Variants in NEURL1 observed in about 807,000 individuals in gnomAD.
NEURL1 encodes E3 ubiquitin-protein ligase NEURL1.
In NEURL1, 26 loss-of-function variants were observed where a neutral mutation model predicts 41.2. The observed-to-expected ratio is 0.63, with a 90% CI of 0.46 to 0.87. The LOEUF (loss-of-function observed/expected upper bound fraction) is 0.87. Ranked by LOEUF, NEURL1 falls within the 40% of genes least tolerant of loss-of-function variation. The pLI, the probability that NEURL1 is intolerant of heterozygous loss-of-function variation, is 0.00. For synonymous variants in NEURL1, 400 were observed against 402.3 expected, an observed-to-expected ratio of 0.99 and a Z score of 0.07; for missense variants, 761 against 871.1, an observed-to-expected ratio of 0.87 and a Z score of 1.59.
intron 4 of NEURL1, among the ~76,000 whole-genome samples, chr10:103,587,281 A>T (rs2035943031): frequency 6.6e-6 from 1 of 152,246 alleles, no homozygotes; most frequent in Non-Finnish European, 1.5e-5. Flanking sequence ...GCACCATCTA[A>T]TAATAGCTAA....
intron 1 of NEURL1, chr10:103,551,070 C>T (rs2035022939): frequency 6.6e-6 from 1 of 152,108 alleles, no homozygotes; most frequent in Non-Finnish European, 1.5e-5. Flanking sequence ...GCTGAAAGAA[C>T]CTGATTCCTC....
intron 3 of NEURL1, among the ~76,000 whole-genome samples, chr10:103,573,506 G>T (rs1324478049): frequency 6.6e-6 from 1 of 152,172 alleles, no homozygotes; most frequent in Non-Finnish European, 1.5e-5. Context: ...ATTCTGGGGA[G>T]GACAGTTCTT....
At chr10:103,559,950 G>A (rs56965730) in intron 1 of NEURL1, among the ~76,000 whole-genome samples, 31,208 of 150,606 alleles carry the variant, frequency 0.21, 3,322 homozygotes, top group South Asian at 0.32. Context: ...GCACACACAC[G>A]TACATGCACG....
chr10:103,516,455 T>G (rs975379619), intron 1 of NEURL1, among the ~76,000 whole-genome samples: 5 of 151,426 alleles, frequency 3.3e-5, no homozygotes, highest in African/African-American at 1.2e-4. Flanking sequence ...AGAAGAGCCC[T>G]GAGATATCCT....
chr10:103,538,002 C>T (rs916490359), intron 1 of NEURL1, among the ~76,000 whole-genome samples: 1 of 152,170 alleles, frequency 6.6e-6, no homozygotes, highest in South Asian at 2.1e-4. Context: ...GGGAATGATA[C>T]AGTATGGTCT....
chr10:103,574,063 G>A (rs79811112), intron 3 of NEURL1, among the ~76,000 whole-genome samples: 2 of 152,184 alleles, frequency 1.3e-5, no homozygotes, highest in African/African-American at 2.4e-5. Context: ...AGGACGTGGA[G>A]GAATATTTGC....
intron 1 of NEURL1, among the ~76,000 whole-genome samples, chr10:103,498,549 A>G (rs2033745974): frequency 6.6e-6 from 1 of 152,164 alleles, no homozygotes; most frequent in Admixed American, 6.5e-5. Flanking sequence ...TGTAAAATTT[A>G]TATAACCTGA....
At chr10:103,522,787 G>A (rs1479880866) in intron 1 of NEURL1, among the ~76,000 whole-genome samples, 4 of 152,030 alleles carry the variant, frequency 2.6e-5, no homozygotes, top group African/African-American at 4.8e-5. Context: ...GCCATGATCC[G>A]CTGGTTGGAA....
In NEURL1 at chr10:103,585,098, C is replaced by G. The variant is rs762027261; in HGVS notation, c.1212C>G (p.Asn404Lys). The change falls in exon 4 of 6, where the codon AAC becomes AAG. Residue 404 changes from asparagine (N) to lysine (K), a missense_variant. This residue lies in a region of NEURL1 where 443 missense variants were observed against 408.1 expected (regional missense o/e 1.09). Coordinates refer to ENST00000369780, the MANE Select transcript of NEURL1 (RefSeq NM_004210.5). ...GCGACATCCTGGGCCTGGTGGTCAA[C>G]GCCGACGGCGAGCTGCACCTCAGCC... The part of the protein sequence containing the change: ...HSGDILGLVV[N>K]ADGELHLSHN... 10 of 1,589,610 alleles carry G rather than the reference C, an allele frequency of 6.3e-6. No individual in the cohort carries two copies. The South Asian group carries it at 1.0e-4, about 16-fold the overall frequency.
rs1013926913 is a variant in NEURL1, at chr10:103,545,254, C to T, written c.86-25618C>T. 9.9e-5 allele frequency among the ~76,000 whole-genome samples: 15 copies of T among 152,254 alleles called. No individual in the cohort carries two copies. The highest frequency in any genetic ancestry group is 2.2e-4 in the Non-Finnish European group (15 of 68,046). ...TGCAGGAATACCACAGTCCTGACAG[C>T]CACCTTTGGTGGCCACACCTGAACT... On this transcript the variant is annotated intron_variant, in intron 1 of 5. Coordinates refer to ENST00000369780, the MANE Select transcript of NEURL1 (RefSeq NM_004210.5). The surrounding 1 kb of genome is among the most constrained non-coding windows in gnomAD (Gnocchi z 4.5).
At chr10:103,572,528 C>T (rs1252341751) in intron 3 of NEURL1, among the ~76,000 whole-genome samples, 3 of 152,186 alleles carry the variant, frequency 2.0e-5, no homozygotes, top group Non-Finnish European at 4.4e-5. Flanking sequence ...GGAGGAGCCT[C>T]GGGAAGCAGC....
chr10:103,566,400 T>C lies in NEURL1; in HGVS notation c.86-4472T>C, dbSNP rs2035425291. ...CCTACTCTCCTTCTCTGATACCTAC[T>C]GATCTCTGTCTCTCTCTAGTTTTGC... On this transcript the variant is annotated intron_variant, in intron 1 of 5. Coordinates refer to ENST00000369780, the MANE Select transcript of NEURL1 (RefSeq NM_004210.5). The surrounding 1 kb of genome is among the most constrained non-coding windows in gnomAD (Gnocchi z 4.2). Among the ~76,000 whole-genome samples, 1 of 152,234 alleles carries C rather than the reference T, an allele frequency of 6.6e-6. No homozygotes were observed. The highest frequency in any genetic ancestry group is 1.5e-5 in the Non-Finnish European group (1 of 68,038).
Position 103,585,057 on chromosome 10 carries a change from G to A in NEURL1, c.1171G>A (p.Gly391Arg). 6.3e-7 allele frequency: 1 copy of A among 1,590,092 alleles called. No individual in the cohort carries two copies. The highest frequency in any genetic ancestry group is 8.5e-7 in the Non-Finnish European group (1 of 1,176,296). The change falls in exon 4 of 6, where the codon GGG becomes AGG. Residue 391 changes from glycine (G) to arginine (R), a missense_variant. Transcript: ENST00000369780. ...KEFWAVCRVP[G>R]PLHSGDILGL... ...ATTCTGGGCCGTGTGCCGCGTGCCC[G>A]GGCCCCTGCACAGCGGCGACATCCT... is the stretch of plus-strand genomic sequence containing the variant.
chr10:103,506,205 G>A (rs1248292863), intron 1 of NEURL1, among the ~76,000 whole-genome samples: 1 of 152,126 alleles, frequency 6.6e-6, no homozygotes, highest in African/African-American at 2.4e-5. Flanking sequence ...CACTTGGCTT[G>A]CCCCAGCCCC....
intron 1 of NEURL1, among the ~76,000 whole-genome samples, chr10:103,510,462 G>A (rs983539219): frequency 6.6e-5 from 10 of 152,216 alleles, no homozygotes; most frequent in Non-Finnish European, 8.8e-5. Context: ...CATCGAGTGG[G>A]ACATGTTAAA....
intron 1 of NEURL1, among the ~76,000 whole-genome samples, chr10:103,524,974 G>C (rs2034431075): frequency 6.6e-6 from 1 of 152,156 alleles, no homozygotes; most frequent in Admixed American, 6.6e-5. Flanking sequence ...TGTGAAGAAT[G>C]TCTTTGGTAT....
chr10:103,583,555 A>C (rs1345911685), intron 3 of NEURL1, among the ~76,000 whole-genome samples: 2 of 151,686 alleles, frequency 1.3e-5, no homozygotes, highest in Non-Finnish European at 2.9e-5. Flanking sequence ...TCTCTACCCC[A>C]AAAATACAAA....
chr10:103,528,467 G>A (rs550005875), intron 1 of NEURL1, among the ~76,000 whole-genome samples: 103 of 151,838 alleles, frequency 6.8e-4, no homozygotes, highest in African/African-American at 2.1e-3. Context: ...CCCGGGAGGC[G>A]GAGGTTGCAG....
intron 1 of NEURL1, among the ~76,000 whole-genome samples, chr10:103,551,972 C>G (rs1301632664): frequency 6.6e-6 from 1 of 152,174 alleles, no homozygotes; most frequent in Non-Finnish European, 1.5e-5. Context: ...GCTTGCTTAC[C>G]ACTTGGCTGC....
Sources: allele counts gnomAD v4.1 joint callset (sites outside exome capture counted in the v4.1 genomes callset), GRCh38; gene constraint gnomAD v4.1.1; regional missense constraint gnomAD v4.1.1; non-coding constraint Gnocchi (gnomAD v3.1); transcripts MANE v1.5; gene names NCBI Gene and HGNC (gene_info 2026-07-23, HGNC 2026-07-21).